Variants in DGKB observed in about 807,000 individuals in gnomAD.
The protein encoded by DGKB is diacylglycerol kinase beta, also known as 90 kDa diacylglycerol kinase.
DGKB carries 67 observed loss-of-function variants against 114.3 expected under a neutral mutation model. The ratio of observed to expected loss-of-function variants is 0.59; its 90% CI spans 0.48 to 0.72. DGKB has a LOEUF of 0.72. Ranked by LOEUF, DGKB falls within the 30% of genes least tolerant of loss-of-function variation. The pLI, the probability that DGKB is intolerant of heterozygous loss-of-function variation, is 0.00. For missense variants in DGKB, 907 were observed against 975.2 expected, an observed-to-expected ratio of 0.93 and a Z score of 0.93; for synonymous variants, 398 against 323.1, an observed-to-expected ratio of 1.23 and a Z score of -2.49.
intron 2 of DGKB, among the ~76,000 whole-genome samples, chr7:14,799,988 C>T (rs548058018): frequency 6.6e-6 from 1 of 152,052 alleles, no homozygotes; most frequent in Non-Finnish European, 1.5e-5. Context: ...GCCATCTTGG[C>T]TTACTATGAC....
chr7:14,688,134 T>A (rs1287084216), intron 9 of DGKB, among the ~76,000 whole-genome samples: 1 of 152,140 alleles, frequency 6.6e-6, no homozygotes, highest in Admixed American at 6.5e-5. Context: ...TTATCTTACT[T>A]AGATCGTAAA....
intron 1 of DGKB, among the ~76,000 whole-genome samples, chr7:14,894,479 T>C (rs866540888): frequency 2.0e-5 from 3 of 151,628 alleles, no homozygotes; most frequent in Non-Finnish European, 3.0e-5. Flanking sequence ...GGCATTGCTA[T>C]ATATTGACAA....
chr7:14,521,649 G>T (rs1369040577), intron 20 of DGKB, among the ~76,000 whole-genome samples: 1 of 151,896 alleles, frequency 6.6e-6, no homozygotes, highest in East Asian at 1.9e-4. Context: ...TCTCTTCAGT[G>T]AGTTATTTTC....
chr7:14,482,774 T>G (rs1783174251), intron 20 of DGKB, among the ~76,000 whole-genome samples: 2 of 152,124 alleles, frequency 1.3e-5, no homozygotes. Flanking sequence ...TGACAATCAT[T>G]ACCTGAATAT....
chr7:14,498,694 C>T (rs972737658), intron 20 of DGKB, among the ~76,000 whole-genome samples: 12 of 151,656 alleles, frequency 7.9e-5, no homozygotes, highest in African/African-American at 2.9e-4. Context: ...AGTAGTAGTA[C>T]ACTTTTTGTT....
chr7:14,780,631 AT>A (rs79637764), intron 2 of DGKB, among the ~76,000 whole-genome samples: 31 of 151,436 alleles, frequency 2.0e-4, no homozygotes, highest in Middle Eastern at 6.9e-3. Context: ...TGTTCCACAG[AT>A]TTTTTTTTCA....
chr7:14,150,741 TA>T (rs1312019104), intron 25 of DGKB, among the ~76,000 whole-genome samples: 1 of 152,110 alleles, frequency 6.6e-6, no homozygotes, highest in Non-Finnish European at 1.5e-5. Context: ...AAATGATCTA[TA>T]TCAGATTTTC....
At chr7:14,862,315 C>T (rs1851099980) in intron 1 of DGKB, among the ~76,000 whole-genome samples, 1 of 152,012 alleles carries the variant, frequency 6.6e-6, no homozygotes, top group African/African-American at 2.4e-5. Flanking sequence ...ATGATAGGGA[C>T]ACTAAATGTT....
In DGKB at chr7:14,834,509, A is replaced by G. The variant is rs534701319; in HGVS notation, c.70+6685T>C. Among the ~76,000 whole-genome samples, 9 of 152,270 alleles carry G rather than the reference A, an allele frequency of 5.9e-5. No homozygotes were observed. The South Asian group carries it at 1.9e-3, about 32-fold the overall frequency. On this transcript the variant is annotated intron_variant, in intron 2 of 25. Coordinates refer to ENST00000402815, the MANE Select transcript of DGKB (RefSeq NM_001350709.2). Reference sequence around the variant, plus strand: ...GTATCACTTGCAGGGAGAAGGTATCAGAGCCAGCACACAGTCACGAGTGCT... The same window carrying G: ...GTATCACTTGCAGGGAGAAGGTATCGGAGCCAGCACACAGTCACGAGTGCT...
At chr7:14,593,189 T>C (rs1367237398) in intron 17 of DGKB, among the ~76,000 whole-genome samples, 2 of 151,984 alleles carry the variant, frequency 1.3e-5, no homozygotes, top group Non-Finnish European at 2.9e-5. Context: ...TCTTTTATGC[T>C]TATGTGTGTT....
At chr7:14,971,762 A>ATTT (rs71004349) in intron 1 of DGKB, among the ~76,000 whole-genome samples, 149 of 139,178 alleles carry the variant, frequency 1.1e-3, no homozygotes, top group African/African-American at 3.2e-3. Flanking sequence ...TATTGAAAGC[A>ATTT]TTTTTTTTTT....
intron 6 of DGKB, among the ~76,000 whole-genome samples, chr7:14,705,167 A>G (rs1368618795): frequency 6.6e-6 from 1 of 152,118 alleles, no homozygotes; most frequent in African/African-American, 2.4e-5. Context: ...AGCTACGTGA[A>G]GAATGCAGAA....
chr7:14,215,272 T>G (rs1788770326), intron 23 of DGKB, among the ~76,000 whole-genome samples: 1 of 152,002 alleles, frequency 6.6e-6, no homozygotes, highest in Non-Finnish European at 1.5e-5. Context: ...GGCATGCATG[T>G]GAGTCAAGGT....
intron 6 of DGKB, among the ~76,000 whole-genome samples, chr7:14,706,408 G>A (rs1430343488): frequency 0.011 from 1,607 of 147,250 alleles, 24 homozygotes; most frequent in African/African-American, 0.038. Context: ...ACAGATCAAC[G>A]AGACAGAAAG....
chr7:14,737,461 G>A (rs1341149268), intron 4 of DGKB, among the ~76,000 whole-genome samples: 1 of 151,862 alleles, frequency 6.6e-6, no homozygotes, highest in Non-Finnish European at 1.5e-5. Context: ...AAGACATGGA[G>A]ATTGACCGAA....
In DGKB at chr7:14,511,507, G is replaced by C. The variant is rs74769086; in HGVS notation, c.1771-33282C>G. Among the ~76,000 whole-genome samples, 130 of 152,278 alleles carry C rather than the reference G, an allele frequency of 8.5e-4. 1 individual carries two copies. The highest frequency in any genetic ancestry group is 2.8e-3 in the African/African-American group (115 of 41,566). The stretch of plus-strand genomic sequence containing the variant: ...GAATTAGGATTTGACTTAAGGAAAT[G>C]TAGCTAGTTTGATCTTCTGTCCAGA... On this transcript the variant is annotated intron_variant, in intron 20 of 25. Transcript: ENST00000402815.
At chr7:14,918,835 GGGGCGGATCACGAGGTCGGGA>G (rs1475588898) in intron 1 of DGKB, among the ~76,000 whole-genome samples, 4 of 151,882 alleles carry the variant, frequency 2.6e-5, no homozygotes, top group African/African-American at 9.7e-5. Flanking sequence ...GAGGCCGAGG[GGGGCGGATCACGAGGTCGGGA>G]GTTTGAAACC....
intron 23 of DGKB, among the ~76,000 whole-genome samples, chr7:14,274,845 T>A (rs1159334994): frequency 6.6e-6 from 1 of 151,988 alleles, no homozygotes; most frequent in Non-Finnish European, 1.5e-5. Context: ...TCATCTACAC[T>A]TCATTACCTC....
intron 23 of DGKB, among the ~76,000 whole-genome samples, chr7:14,183,006 T>C (rs1782862853): frequency 6.6e-6 from 1 of 152,212 alleles, no homozygotes; most frequent in African/African-American, 2.4e-5. Context: ...GAGGTACTCA[T>C]TGACTCAGCA....
Sources: gnomAD v4.1 joint callset for allele counts (sites outside exome capture counted in the v4.1 genomes callset) on GRCh38, gnomAD v4.1.1 for gene constraint, MANE v1.5 for transcripts, NCBI Gene and HGNC (gene_info 2026-07-23, HGNC 2026-07-21) for gene names.